TERB2: variants seen among roughly 807,000 people sequenced by gnomAD.
TERB2 encodes the protein telomere repeats-binding bouquet formation protein 2.
Under a neutral mutation model 29.8 loss-of-function variants are expected in TERB2, and 26 were observed. That is an observed-to-expected ratio of 0.87 (90% CI 0.64 to 1.21). TERB2 has a LOEUF of 1.21. Ranked by LOEUF, TERB2 falls within the 50% of genes most tolerant of loss-of-function variation. The pLI is 0.00. For missense variants in TERB2, 240 were observed against 268.6 expected (o/e 0.89, Z 0.74); for synonymous variants, 80 against 90.8 (o/e 0.88, Z 0.68).
intron 5 of TERB2, among the ~76,000 whole-genome samples, chr15:44,973,013 G>T (rs900874545): frequency 6.6e-6 from 1 of 151,166 alleles, no homozygotes; most frequent in Non-Finnish European, 1.5e-5. Context: ...CTTCCGAGTA[G>T]CTGGGATTAC....
intron 3 of TERB2, among the ~76,000 whole-genome samples, 163 bp from the exon 4 acceptor site, chr15:44,961,360 C>T (rs1891801028): frequency 6.6e-6 from 1 of 151,426 alleles, no homozygotes; most frequent in African/African-American, 2.4e-5. Context: ...AGCTCCTCCT[C>T]AATGATCTGA....
intron 2 of TERB2, among the ~76,000 whole-genome samples, chr15:44,957,506 T>C (rs1288056151): frequency 1.3e-5 from 2 of 152,124 alleles, no homozygotes; most frequent in African/African-American, 4.8e-5. Flanking sequence ...TTTCCCCTCA[T>C]ACCTGCGCCA....
chr15:44,977,555 T>C (rs1371678291), intron 6 of TERB2, among the ~76,000 whole-genome samples: 1 of 152,176 alleles, frequency 6.6e-6, no homozygotes, highest in African/African-American at 2.4e-5. Flanking sequence ...AGTATAGTAA[T>C]AGTGCTTCAA....
rs369529537 is a variant in TERB2, at chr15:44,969,358, T to C, written c.434+3115T>C. 1.7e-4 allele frequency among the ~76,000 whole-genome samples: 26 copies of C among 152,208 alleles called. No individual in the cohort carries two copies. The East Asian group carries it at 2.3e-3, about 14-fold the overall frequency. On this transcript the variant is annotated intron_variant, in intron 5 of 6. Transcript: ENST00000340827. Reference sequence around the variant, plus strand: ...CCTGGCCTCAAGCAATCCACCCTCCTAGGCCTCCCAAAGTGCTGGGATTAT... The same window carrying C: ...CCTGGCCTCAAGCAATCCACCCTCCCAGGCCTCCCAAAGTGCTGGGATTAT...
chr15:44,977,115 A>ACACACACACACACACC (rs1371939306), intron 6 of TERB2, among the ~76,000 whole-genome samples: 2 of 151,160 alleles, frequency 1.3e-5, no homozygotes, highest in Admixed American at 1.3e-4. Flanking sequence ...ACACACACAC[A>ACACACACACACACACC]CCCCAGAAAA....
chr15:44,966,878 T>G (rs1279170133), intron 5 of TERB2, among the ~76,000 whole-genome samples: 1 of 152,162 alleles, frequency 6.6e-6, no homozygotes, highest in African/African-American at 2.4e-5. Context: ...GCCGGATGAC[T>G]GCTTGAGCCT....
intron 3 of TERB2, 68 bp from the exon 4 acceptor site, chr15:44,961,455 A>T: frequency 2.6e-6 from 3 of 1,166,752 alleles, no homozygotes; most frequent in Non-Finnish European, 3.7e-6. Flanking sequence ...TTCAGACTTT[A>T]AGCAAAATTC....
intron 4 of TERB2, chr15:44,962,744 A>G (rs1720050662): frequency 6.6e-6 from 1 of 152,232 alleles, no homozygotes; most frequent in Non-Finnish European, 1.5e-5. Context: ...AAAATCTTTA[A>G]GTAATAGCCA....
intron 2 of TERB2, among the ~76,000 whole-genome samples, chr15:44,957,948 T>C (rs929621825): frequency 2.0e-5 from 3 of 152,172 alleles, no homozygotes; most frequent in African/African-American, 4.8e-5. Flanking sequence ...TTTCTTGTAA[T>C]GCTCTTCTTA....
Position 44,956,927 on chromosome 15 carries a change from A to C in TERB2, c.96A>C (p.Arg32=), listed in dbSNP as rs770284656. 13 of 1,613,908 alleles carry C rather than the reference A, an allele frequency of 8.1e-6. No individual in the cohort carries two copies. The highest frequency in any genetic ancestry group is 1.1e-5 in the Non-Finnish European group (13 of 1,180,014). The part of the protein sequence containing the change: ...VAEGGTISDP[R]AADFLFSCDA... ...AAGGGGGAACGATCAGTGACCCGCGAGCCGCCGACTTCTTGTTCAGCTGTG... is the reference window on the plus strand; with the variant it reads ...AAGGGGGAACGATCAGTGACCCGCGCGCCGCCGACTTCTTGTTCAGCTGTG... The change falls in exon 2 of 7, where the codon CGA becomes CGC. Residue 32 remains arginine (R), a synonymous_variant. Transcript: ENST00000340827.
At chr15:44,966,637 C>G (rs982427602) in intron 5 of TERB2, among the ~76,000 whole-genome samples, 45 of 152,124 alleles carry the variant, frequency 3.0e-4, no homozygotes, top group African/African-American at 1.0e-3. Context: ...TTATACGTAT[C>G]TGTGTGTGAA....
intron 3 of TERB2, among the ~76,000 whole-genome samples, chr15:44,959,628 A>G (rs71478347): frequency 6.6e-6 from 1 of 152,144 alleles, no homozygotes; most frequent in Non-Finnish European, 1.5e-5. Flanking sequence ...TCAGCCCCCC[A>G]AAGTGCTGGG....
intron 4 of TERB2, among the ~76,000 whole-genome samples, chr15:44,962,642 A>C (rs1240960417): frequency 6.6e-6 from 1 of 152,152 alleles, no homozygotes; most frequent in African/African-American, 2.4e-5. Flanking sequence ...TAACCAAAAC[A>C]AGAAGAAGAA....
intron 5 of TERB2, among the ~76,000 whole-genome samples, chr15:44,972,858 T>G (rs1462457299): frequency 1.3e-5 from 2 of 151,960 alleles, no homozygotes; most frequent in African/African-American, 4.8e-5. Context: ...TTTTTTAGAT[T>G]TTATAATTGT....
At chr15:44,968,285 G>A (rs270811) in intron 5 of TERB2, among the ~76,000 whole-genome samples, 1,524 of 151,786 alleles carry the variant, frequency 0.01, 21 homozygotes, top group African/African-American at 0.035. Context: ...GCGTGATCTC[G>A]GCTCACTGCA....
At position 44,978,443 on chromosome 15, in the gene TERB2, T is replaced by C. The variant is rs775127681; in HGVS notation, c.524-46T>C. On this transcript the variant is annotated intron_variant, in intron 6 of 6. Coordinates refer to ENST00000340827, the MANE Select transcript of TERB2 (RefSeq NM_152448.3). ...CAAAGACACTGAAAAGCAAATAGTA[T>C]GAGCGGGTTTTAAGTATATATCTTT... is the stretch of plus-strand genomic sequence containing the variant. 9 of 1,505,280 alleles carry C rather than the reference T, an allele frequency of 6.0e-6. No individual in the cohort carries two copies. The African/African-American group carries it at 1.1e-4, about 19-fold the overall frequency. The allele number at this position is 1,505,280 out of a possible 1,614,324, so 93.2% of individuals were successfully genotyped here.
intron 3 of TERB2, among the ~76,000 whole-genome samples, chr15:44,958,768 C>T (rs1198299302): frequency 6.6e-6 from 1 of 152,216 alleles, no homozygotes; most frequent in Admixed American, 6.5e-5. Context: ...TGGGTAGGTG[C>T]TGGGGATTCA....
At chr15:44,963,671 T>C (rs1318039951) in intron 4 of TERB2, among the ~76,000 whole-genome samples, 1 of 151,376 alleles carries the variant, frequency 6.6e-6, no homozygotes, top group Non-Finnish European at 1.5e-5. Flanking sequence ...TATTAGAGAG[T>C]GGAAATGTCA....
intron 3 of TERB2, among the ~76,000 whole-genome samples, chr15:44,961,073 A>T (rs1891794241): frequency 6.6e-6 from 1 of 151,240 alleles, no homozygotes; most frequent in Non-Finnish European, 1.5e-5. Flanking sequence ...ATATCTATAC[A>T]TACATATATA....
Sources: allele counts gnomAD v4.1 joint callset (sites outside exome capture counted in the v4.1 genomes callset), GRCh38; gene constraint gnomAD v4.1.1; transcripts MANE v1.5; gene names NCBI Gene and HGNC (gene_info 2026-07-23, HGNC 2026-07-21).